TGFBR3: variants seen among roughly 807,000 people sequenced by gnomAD.
TGFBR3 encodes transforming growth factor beta receptor type 3.
In TGFBR3, 46 loss-of-function variants were observed where a neutral mutation model predicts 87.9. The observed-to-expected ratio is 0.52, with a 90% CI of 0.41 to 0.67. TGFBR3 has a LOEUF of 0.67. Among genes scored for constraint, TGFBR3 ranks in the 30% least tolerant of loss-of-function variants. The pLI is 0.00. For missense variants in TGFBR3, 866 were observed against 1,041.9 expected (o/e 0.83, Z 2.32); for synonymous variants, 381 against 391.6 (o/e 0.97, Z 0.32).
intron 2 of TGFBR3, among the ~76,000 whole-genome samples, chr1:91,847,098 C>T (rs1677532201): frequency 6.6e-6 from 1 of 152,080 alleles, no homozygotes; most frequent in Non-Finnish European, 1.5e-5. Flanking sequence ...AATCAGAAAA[C>T]CTTATAAACT....
chr1:91,702,905 C>T (rs1464903072), intron 14 of TGFBR3, among the ~76,000 whole-genome samples: 2 of 151,954 alleles, frequency 1.3e-5, no homozygotes, highest in Non-Finnish European at 1.5e-5. Context: ...ATTAGCTGGG[C>T]GTGGTGGCAG....
In TGFBR3 at chr1:91,729,839, T is replaced by C. The variant is rs373402175; in HGVS notation, c.703A>G (p.Ile235Val). The C allele has an allele frequency of 5.0e-6, 8 of 1,614,100 alleles. No individual in the cohort carries two copies. In the Admixed American group the frequency reaches 5.0e-5, roughly 10 times the overall value. ...TTAGAGTTGGGGGTGATTAGCTCGA[T>C]GATGTGTACTTCCTCATTCTGGGGC... ...SQPQNEEVHI[I>V]ELITPNSNPY... Residue 235 changes from isoleucine to valine, a missense_variant, in exon 6 of 17, where the codon ATC becomes GTC. Coordinates refer to ENST00000212355, the MANE Select transcript of TGFBR3 (RefSeq NM_003243.5).
chr1:91,891,450 A>T (rs1679445185), intron 2 of TGFBR3, among the ~76,000 whole-genome samples: 1 of 151,572 alleles, frequency 6.6e-6, no homozygotes, highest in East Asian at 2.0e-4. Context: ...GTGAGCCGTG[A>T]TCGTGCCACT....
At chr1:91,873,073 C>G (rs995882488) in intron 1 of TGFBR3, among the ~76,000 whole-genome samples, 11 of 152,092 alleles carry the variant, frequency 7.2e-5, no homozygotes, top group African/African-American at 2.7e-4. Context: ...AAGCTATTCT[C>G]CCACCTCAAC....
At chr1:91,842,709 T>C (rs1312381223) in intron 2 of TGFBR3, among the ~76,000 whole-genome samples, 1 of 152,220 alleles carries the variant, frequency 6.6e-6, no homozygotes, top group Non-Finnish European at 1.5e-5. Context: ...CCTACACATA[T>C]ATATTGTCTA....
chr1:91,899,557 C>T (rs1461902923), intron 2 of TGFBR3: 1 of 151,750 alleles, frequency 6.6e-6, no homozygotes, highest in Non-Finnish European at 1.5e-5. Flanking sequence ...AGATAGATGG[C>T]TCATTCCACT....
chr1:91,889,207 A>G (rs1679395863), upstream of TGFBR3, among the ~76,000 whole-genome samples: 1 of 152,174 alleles, frequency 6.6e-6, no homozygotes, highest in African/African-American at 2.4e-5. Context: ...TTCTATACAT[A>G]TAAACACATT....
rs145445049 is a variant in TGFBR3 at position 91,743,950 on chromosome 1, T to C, written c.385-8991A>G. ...GCTGGTTAAATTGACCTGTGTTATA[T>C]AAATGTAAAATGCATACCACTTAGC... On this transcript the variant is annotated intron_variant, in intron 4 of 16. Coordinates refer to ENST00000212355, the MANE Select transcript of TGFBR3 (RefSeq NM_003243.5). 7.9e-4 allele frequency among the ~76,000 whole-genome samples: 120 copies of C among 152,336 alleles called. 3 individuals are homozygous for C. In the East Asian group the frequency reaches 0.02, roughly 26 times the overall value.
rs1456245063 is a variant in TGFBR3 at position 91,716,577 on chromosome 1, T to A, written c.1698A>T (p.Glu566Asp). 2 of 1,614,106 alleles carry A rather than the reference T, an allele frequency of 1.2e-6. No individual in the cohort carries two copies. Among genetic ancestry groups the A allele is most frequent in the Non-Finnish European group, 8.5e-7 (1 of 1,180,022 alleles). The change falls in exon 11 of 17, where the codon GAA (glutamate) becomes GAT (aspartate). Residue 566 changes from glutamate to aspartate, a missense_variant. Coordinates refer to ENST00000212355, the MANE Select transcript of TGFBR3 (RefSeq NM_003243.5). The stretch of plus-strand genomic sequence containing the variant: ...GATAACAAACACATACCACCACGAT[T>A]TCAGGTCGGGTGAACAGGGAAGCAT... Reference protein sequence around the residue: ...EGDASLFTRPEIVVFNCSLQQ... With the variant: ...EGDASLFTRPDIVVFNCSLQQ...
intron 4 of TGFBR3, among the ~76,000 whole-genome samples, chr1:91,738,439 C>T (rs912391168): frequency 1.6e-4 from 25 of 152,188 alleles, no homozygotes; most frequent in African/African-American, 6.0e-4. Context: ...AGGCCATCCC[C>T]TTGGTAATAA....
At chr1:91,860,588 T>C (rs1678142775) in intron 2 of TGFBR3, among the ~76,000 whole-genome samples, 1 of 152,094 alleles carries the variant, frequency 6.6e-6, no homozygotes, top group Non-Finnish European at 1.5e-5. Flanking sequence ...TAAGCAACAA[T>C]GTTCCAAGTC....
intron 3 of TGFBR3, among the ~76,000 whole-genome samples, chr1:91,796,933 T>C (rs1367128731): frequency 6.6e-6 from 1 of 152,052 alleles, no homozygotes; most frequent in East Asian, 1.9e-4. Flanking sequence ...TCTTGCTATG[T>C]TTCCCAGGCT....
intron 4 of TGFBR3, among the ~76,000 whole-genome samples, chr1:91,735,343 C>T (rs1263790139): frequency 6.6e-6 from 1 of 152,216 alleles, no homozygotes; most frequent in Non-Finnish European, 1.5e-5. Flanking sequence ...TAAAAAGCTT[C>T]AGGATCAAGA....
chr1:91,835,744 C>T (rs369608665), intron 2 of TGFBR3, among the ~76,000 whole-genome samples: 3 of 141,502 alleles, frequency 2.1e-5, no homozygotes, highest in Non-Finnish European at 3.0e-5. Flanking sequence ...AGGACAATGA[C>T]GTGAACCCGG....
chr1:91,903,378 G>A (rs1237406080), intron 1 of TGFBR3, among the ~76,000 whole-genome samples: 3 of 142,540 alleles, frequency 2.1e-5, no homozygotes, highest in Non-Finnish European at 3.1e-5. Flanking sequence ...TGCCAGTCTG[G>A]ACCTCTGTCT....
rs1671883755 is a variant in TGFBR3 at position 91,708,728 on chromosome 1, A to T, written c.2222T>A (p.Met741Lys). 1.2e-6 allele frequency: 2 copies of T among 1,613,962 alleles called. No individual in the cohort carries two copies. Among genetic ancestry groups the T allele is most frequent in the African/African-American group, 2.7e-5 (2 of 74,896 alleles). Reference protein sequence around the residue: ...TSLDASIIWAMMQNKKTFTKP... With the variant: ...TSLDASIIWAKMQNKKTFTKP... Reference sequence around the variant, plus strand: ...AGTGAACGTCTTCTTATTCTGCATCATGGCCCAGATTATCGAGGCGTCCAG... The same window carrying T: ...AGTGAACGTCTTCTTATTCTGCATCTTGGCCCAGATTATCGAGGCGTCCAG... Residue 741 changes from methionine to lysine, a missense_variant, in exon 14 of 17, where the codon ATG becomes AAG. Coordinates refer to ENST00000212355, the MANE Select transcript of TGFBR3 (RefSeq NM_003243.5).
At chr1:91,799,894 G>A (rs1675536032) in intron 2 of TGFBR3, among the ~76,000 whole-genome samples, 1 of 152,160 alleles carries the variant, frequency 6.6e-6, no homozygotes, top group Non-Finnish European at 1.5e-5. Context: ...GTGCCAGGAA[G>A]CCTTCAGTGC....
At chr1:91,735,170 C>T (rs999085314) in intron 4 of TGFBR3, among the ~76,000 whole-genome samples, 1 of 152,204 alleles carries the variant, frequency 6.6e-6, no homozygotes, top group Non-Finnish European at 1.5e-5. Context: ...CAGGATGTCC[C>T]TCTGAACTCT....
At chr1:91,806,745 T>G (rs1286515674) in intron 2 of TGFBR3, among the ~76,000 whole-genome samples, 1 of 152,204 alleles carries the variant, frequency 6.6e-6, no homozygotes, top group East Asian at 1.9e-4. Context: ...GGAGATTTTA[T>G]TCTAATGACA....
Sources: gnomAD v4.1 joint callset for allele counts (sites outside exome capture counted in the v4.1 genomes callset) on GRCh38, gnomAD v4.1.1 for gene constraint, MANE v1.5 for transcripts, NCBI Gene and HGNC (gene_info 2026-07-23, HGNC 2026-07-21) for gene names.